The following SLC44A1 variants were observed in gnomAD, a reference collection of about 807,000 sequenced individuals.
SLC44A1 encodes solute carrier family 44 member 1.
SLC44A1 carries 26 observed loss-of-function variants against 79.3 expected under a neutral mutation model. The observed-to-expected ratio is 0.33, with a 90% CI of 0.24 to 0.46. The LOEUF (loss-of-function observed/expected upper bound fraction) is 0.46. Ranked by LOEUF, SLC44A1 falls within the 20% of genes least tolerant of loss-of-function variation. The pLI is 1.00. For synonymous variants in SLC44A1, 263 were observed against 286.2 expected, an observed-to-expected ratio of 0.92 and a Z score of 0.82; for missense variants, 688 against 798.1, an observed-to-expected ratio of 0.86 and a Z score of 1.66.
intron 1 of SLC44A1, among the ~76,000 whole-genome samples, chr9:105,265,572 A>G (rs891803772): frequency 5.9e-5 from 9 of 152,220 alleles, no homozygotes; most frequent in South Asian, 2.1e-4. Context: ...ATGATTATTA[A>G]TAAAGCTCCT....
intron 15 of SLC44A1, among the ~76,000 whole-genome samples, chr9:105,435,514 C>G (rs1829452634): frequency 6.6e-6 from 1 of 152,104 alleles, no homozygotes; most frequent in South Asian, 2.1e-4. Flanking sequence ...TCACAAGGCA[C>G]GATATCACAA....
intron 12 of SLC44A1, among the ~76,000 whole-genome samples, chr9:105,369,441 A>C (rs1051317622): frequency 1.3e-4 from 20 of 152,148 alleles, no homozygotes; most frequent in African/African-American, 4.8e-4. Flanking sequence ...TAATCCATTC[A>C]TGAGAGTAGA....
chr9:105,403,090 G>A (rs10991651), intron 15 of SLC44A1, among the ~76,000 whole-genome samples: 1 of 149,482 alleles, frequency 6.7e-6, no homozygotes, highest in Non-Finnish European at 1.5e-5. Flanking sequence ...AAAGTGCTGA[G>A]ATTACAGGTG....
intron 14 of SLC44A1, 40 bp from the exon 15 acceptor site, chr9:105,385,382 A>C: frequency 7.0e-7 from 1 of 1,422,202 alleles, no homozygotes; most frequent in Non-Finnish European, 9.7e-7. Context: ...CAAATCTGAA[A>C]GGACCCAAGA....
intron 15 of SLC44A1, among the ~76,000 whole-genome samples, chr9:105,434,811 G>C (rs963541179): frequency 2.0e-5 from 3 of 152,168 alleles, no homozygotes; most frequent in African/African-American, 7.2e-5. Context: ...TTAGTCTTAA[G>C]GGTTGCATTT....
intron 1 of SLC44A1, among the ~76,000 whole-genome samples, chr9:105,284,360 C>T (rs1034308652): frequency 2.2e-4 from 34 of 151,934 alleles, no homozygotes; most frequent in African/African-American, 9.7e-5. Flanking sequence ...CCACTGCACC[C>T]GGTCCTGACA....
Position 105,392,416 on chromosome 9 carries a change from T to C in SLC44A1, c.*3360T>C. ...CTCTCTCTCTCTCTTTTTTTTTTTT[T>C]TTTTTTTTTTTTTTCCGTGAGGGCA... On this transcript the variant is annotated 3_prime_UTR_variant, in exon 16 of 16. Coordinates refer to ENST00000374720, the MANE Select transcript of SLC44A1 (RefSeq NM_080546.5). 2.0e-6 allele frequency: 2 copies of C among 977,608 alleles called. No homozygotes were observed. Among genetic ancestry groups the C allele is most frequent in the Non-Finnish European group, 1.2e-6 (1 of 826,352 alleles). The allele number at this position is 977,608 out of a possible 1,614,324, so 60.6% of individuals were successfully genotyped here.
intron 2 of SLC44A1, among the ~76,000 whole-genome samples, chr9:105,305,842 C>CTTTTTTTTTTTTTTTTTTTTTTTTTT (rs1564426808): frequency 7.4e-6 from 1 of 134,382 alleles, no homozygotes; most frequent in African/African-American, 3.0e-5. Flanking sequence ...AAAAGTGTGT[C>CTTTTTTTTTTTTTTTTTTTTTTTTTT]CTTTTTTTTT....
chr9:105,339,185 G>A (rs908075477), intron 4 of SLC44A1, among the ~76,000 whole-genome samples: 23 of 152,038 alleles, frequency 1.5e-4, no homozygotes, highest in African/African-American at 5.6e-4. Context: ...TTATAAATCA[G>A]ATATCTGGTA....
chr9:105,327,766 A>C (rs756351141), intron 3 of SLC44A1, among the ~76,000 whole-genome samples: 3 of 152,064 alleles, frequency 2.0e-5, no homozygotes, highest in Non-Finnish European at 4.4e-5. Flanking sequence ...CCAGCTTTAG[A>C]TATCCCTTCC....
intron 15 of SLC44A1, among the ~76,000 whole-genome samples, chr9:105,430,184 C>T (rs1006823241): frequency 3.3e-5 from 5 of 152,318 alleles, no homozygotes; most frequent in South Asian, 4.1e-4. Context: ...TGAGCCACCA[C>T]GCCTGGCCTA....
chr9:105,404,167 G>A (rs1251560140), intron 15 of SLC44A1, among the ~76,000 whole-genome samples: 1 of 150,126 alleles, frequency 6.7e-6, no homozygotes. Flanking sequence ...CCTGGGAGGC[G>A]GAGGTTGCAG....
intron 1 of SLC44A1, among the ~76,000 whole-genome samples, chr9:105,274,525 G>C (rs1018597050): frequency 6.6e-6 from 1 of 152,072 alleles, no homozygotes; most frequent in African/African-American, 2.4e-5. Flanking sequence ...CTCCTTCTCT[G>C]AACACAGCAT....
chr9:105,396,214 G>T lies in SLC44A1; in HGVS notation c.*7158G>T. On this transcript the variant is annotated 3_prime_UTR_variant, in exon 16 of 16. Coordinates refer to ENST00000374720, the MANE Select transcript of SLC44A1 (RefSeq NM_080546.5). ...AGATACTGAGAGCTCCATAATGAAAGAAGTTGTTATACTTTCTCAGAATAT... is the reference window on the plus strand; with the variant it reads ...AGATACTGAGAGCTCCATAATGAAATAAGTTGTTATACTTTCTCAGAATAT... 1 of 985,140 alleles carries T rather than the reference G, an allele frequency of 1.0e-6. No individual in the cohort carries two copies. Among genetic ancestry groups the T allele is most frequent in the Non-Finnish European group, 1.2e-6 (1 of 829,730 alleles). 61.0% of individuals were successfully genotyped at this position (985,140 alleles called of 1,614,324 possible).
At chr9:105,315,327 G>C (rs376090070) in intron 3 of SLC44A1, among the ~76,000 whole-genome samples, 8 of 147,254 alleles carry the variant, frequency 5.4e-5, no homozygotes, top group Non-Finnish European at 1.0e-4. Flanking sequence ...AAAATACTTA[G>C]CTTCAAATTG....
At chr9:105,413,329 T>G (rs373575143) in intron 15 of SLC44A1, among the ~76,000 whole-genome samples, 2 of 152,206 alleles carry the variant, frequency 1.3e-5, no homozygotes, top group South Asian at 4.1e-4. Context: ...AGTGGTCGTA[T>G]GACATAGTTC....
chr9:105,415,633 G>T (rs1052639714), intron 15 of SLC44A1, among the ~76,000 whole-genome samples: 2 of 152,118 alleles, frequency 1.3e-5, no homozygotes, highest in African/African-American at 4.8e-5. Context: ...CTACACAGGT[G>T]TTTTCTCTAA....
In SLC44A1 at chr9:105,251,453, C is replaced by T. The variant is rs551128714; in HGVS notation, c.36+6549C>T. On this transcript the variant is annotated intron_variant, in intron 1 of 15. Coordinates refer to ENST00000374720, the MANE Select transcript of SLC44A1 (RefSeq NM_080546.5). ...TTCATGCTCCCTTCTAATTTTTCTTCGTATTGCAGTCTTGGTGATCTTTGA... is the reference window on the plus strand; with the variant it reads ...TTCATGCTCCCTTCTAATTTTTCTTTGTATTGCAGTCTTGGTGATCTTTGA... 1.4e-4 allele frequency among the ~76,000 whole-genome samples: 22 copies of T among 152,276 alleles called. No homozygotes were observed. In the South Asian group the frequency reaches 3.9e-3, roughly 27 times the overall value.
intron 1 of SLC44A1, among the ~76,000 whole-genome samples, chr9:105,286,486 A>G (rs558694791): frequency 6.6e-6 from 1 of 152,180 alleles, no homozygotes; most frequent in Non-Finnish European, 1.5e-5. Context: ...ATTAGCTAAA[A>G]TCTGTCTCTT....
Sources: allele counts gnomAD v4.1 joint callset (sites outside exome capture counted in the v4.1 genomes callset), GRCh38; gene constraint gnomAD v4.1.1; transcripts MANE v1.5; gene names NCBI Gene and HGNC (gene_info 2026-07-23, HGNC 2026-07-21).